NYAP2: variants seen among roughly 807,000 people sequenced by gnomAD.
NYAP2 encodes the protein neuronal tyrosine-phosphorylated phosphoinositide-3-kinase adaptor 2, also known as neuronal tyrosine-phosphorylated phosphoinositide-3-kinase adapter 2.
In NYAP2, 23 loss-of-function variants were observed where a neutral mutation model predicts 50.4. The ratio of observed to expected loss-of-function variants is 0.46; its 90% CI spans 0.33 to 0.65. The LOEUF (loss-of-function observed/expected upper bound fraction) is 0.65, where lower values mean the gene tolerates loss of function less well. Among genes scored for constraint, NYAP2 ranks in the 30% least tolerant of loss-of-function variants. NYAP2 has a pLI of 0.02. For missense variants in NYAP2, 885 were observed against 861.0 expected (o/e 1.03, Z -0.35); for synonymous variants, 394 against 365.2 (o/e 1.08, Z -0.90).
chr2:225,519,516 G>T (rs1238563736), intron 4 of NYAP2, among the ~76,000 whole-genome samples: 11 of 147,378 alleles, frequency 7.5e-5, no homozygotes, highest in Non-Finnish European at 1.2e-4. Context: ...GTGAGAATAT[G>T]CAGTGTTTGG....
chr2:225,620,263 T>G (rs1693066895), intron 5 of NYAP2, among the ~76,000 whole-genome samples: 1 of 152,396 alleles, frequency 6.6e-6, no homozygotes, highest in Admixed American at 6.5e-5. Context: ...AAGAGTCTAA[T>G]TGTCCACTTT....
At chr2:225,465,807 A>C (rs192546640) in intron 3 of NYAP2, among the ~76,000 whole-genome samples, 1 of 152,326 alleles carries the variant, frequency 6.6e-6, no homozygotes, top group Non-Finnish European at 1.5e-5. Context: ...ATTTCAGTGG[A>C]CAGAACTCTG....
In NYAP2 at chr2:225,441,602, G is replaced by A. The variant is rs533080224; in HGVS notation, c.221+32501G>A. Among the ~76,000 whole-genome samples, 5 of 152,250 alleles carry A rather than the reference G, an allele frequency of 3.3e-5. No homozygotes were observed. In the East Asian group the frequency reaches 7.7e-4, roughly 24 times the overall value. On this transcript the variant is annotated intron_variant, in intron 3 of 6. Coordinates refer to ENST00000636099, the Ensembl canonical transcript of NYAP2. ...GGAAGGCAAAGGAGAAACAAGGCAC[G>A]ATTTCAAAAGGCGGCAGGAGAGAGA...
chr2:225,617,765 G>T (rs910205319), intron 5 of NYAP2, among the ~76,000 whole-genome samples: 8 of 152,256 alleles, frequency 5.3e-5, no homozygotes, highest in Middle Eastern at 3.4e-3. Flanking sequence ...GTTATTGAGG[G>T]CTATTGGTTT....
chr2:225,563,558 A>T (rs1691911119), intron 4 of NYAP2, among the ~76,000 whole-genome samples: 1 of 152,132 alleles, frequency 6.6e-6, no homozygotes, highest in African/African-American at 2.4e-5. Flanking sequence ...GGAGGGGTAA[A>T]GGAATGGGTT....
chr2:225,656,286 G>C (rs188524146), downstream of NYAP2, among the ~76,000 whole-genome samples: 51 of 152,188 alleles, frequency 3.4e-4, no homozygotes, highest in Admixed American at 1.4e-3. Flanking sequence ...CATGATACCT[G>C]CGTCCTCACC....
chr2:225,499,238 T>C (rs914368251), intron 3 of NYAP2, among the ~76,000 whole-genome samples: 2 of 151,228 alleles, frequency 1.3e-5, no homozygotes, highest in African/African-American at 4.9e-5. Context: ...CTAAAAGAGA[T>C]AAAATGGCTC....
chr2:225,596,880 G>A (rs1692608115), intron 5 of NYAP2, among the ~76,000 whole-genome samples: 2 of 152,130 alleles, frequency 1.3e-5, no homozygotes, highest in Admixed American at 1.3e-4. Context: ...AAAATTATTA[G>A]CTAGATTGCA....
intron 3 of NYAP2, among the ~76,000 whole-genome samples, chr2:225,466,102 G>A (rs1395080824): frequency 2.0e-5 from 3 of 152,230 alleles, no homozygotes; most frequent in Non-Finnish European, 4.4e-5. Context: ...TCCTGGAGAA[G>A]CCCGATCTCT....
chr2:225,445,040 T>A (rs538401186), intron 3 of NYAP2, among the ~76,000 whole-genome samples: 22 of 152,272 alleles, frequency 1.4e-4, no homozygotes, highest in African/African-American at 4.8e-4. Context: ...TATGCTTATA[T>A]AGCTAATCCA....
intron 3 of NYAP2, among the ~76,000 whole-genome samples, chr2:225,419,896 C>T (rs1695188821): frequency 6.6e-6 from 1 of 152,128 alleles, no homozygotes; most frequent in African/African-American, 2.4e-5. Flanking sequence ...TACCCAGCCC[C>T]CAACTGTGAA....
rs1421239205 is a variant in NYAP2, at chr2:225,448,837, G to A, written c.221+39736G>A. Among the ~76,000 whole-genome samples the A allele has an allele frequency of 2.6e-5, 4 of 152,158 alleles. No individual in the cohort carries two copies. The East Asian group carries it at 7.7e-4, about 29-fold the overall frequency. ...GTTTAGGTTATTAATTTTTAAACCA[G>A]TTTGCAAAGGGTGATCTTTATTTAT... On this transcript the variant is annotated intron_variant, in intron 3 of 6. Transcript: ENST00000636099.
chr2:225,692,859 A>G, the NYAP2 span, among the ~76,000 whole-genome samples: 3 of 149,386 alleles, frequency 2.0e-5, no homozygotes, highest in Non-Finnish European at 3.0e-5. Context: ...CTCTTCACTT[A>G]TCTTTAAACA....
the NYAP2 span, among the ~76,000 whole-genome samples, chr2:225,680,479 T>G: frequency 6.6e-6 from 1 of 152,190 alleles, no homozygotes; most frequent in East Asian, 1.9e-4. Flanking sequence ...GTTCTAGTGT[T>G]CAGTTTTCTC....
At chr2:225,540,722 G>C (rs1691451087) in intron 4 of NYAP2, among the ~76,000 whole-genome samples, 1 of 152,156 alleles carries the variant, frequency 6.6e-6, no homozygotes, top group Admixed American at 6.5e-5. Context: ...AATCTTGGCT[G>C]TTGTGAGTAG....
chr2:225,611,861 G>T (rs150778367), intron 5 of NYAP2, among the ~76,000 whole-genome samples: 2,438 of 146,326 alleles, frequency 0.017, 53 homozygotes, highest in African/African-American at 0.042. Context: ...TATATATATA[G>T]AGAGAGATAT....
intron 3 of NYAP2, among the ~76,000 whole-genome samples, chr2:225,431,435 A>G (rs574400986): frequency 1.3e-5 from 2 of 152,186 alleles, no homozygotes; most frequent in Non-Finnish European, 2.9e-5. Context: ...AAGGCAGCAG[A>G]TTTTACAAAC....
At chr2:225,570,945 G>A (rs1422507185) in intron 4 of NYAP2, among the ~76,000 whole-genome samples, 1 of 152,146 alleles carries the variant, frequency 6.6e-6, no homozygotes, top group Non-Finnish European at 1.5e-5. Context: ...ACAGGCATTG[G>A]GTAAATATGC....
At chr2:225,468,597 A>G (rs1463984757) in intron 3 of NYAP2, among the ~76,000 whole-genome samples, 1 of 152,226 alleles carries the variant, frequency 6.6e-6, no homozygotes, top group African/African-American at 2.4e-5. Flanking sequence ...TGATTCAATG[A>G]TAAATGAAGA....
Sources: allele counts gnomAD v4.1 joint callset (sites outside exome capture counted in the v4.1 genomes callset), GRCh38; gene constraint gnomAD v4.1.1; transcripts MANE v1.5; gene names NCBI Gene and HGNC (gene_info 2026-07-23, HGNC 2026-07-21).